PRKN: variants seen among roughly 807,000 people sequenced by gnomAD.
PRKN encodes the protein parkin RBR E3 ubiquitin protein ligase, also known as E3 ubiquitin-protein ligase parkin.
A neutral mutation model predicts 59.5 loss-of-function variants in PRKN; 56 were observed. That is an observed-to-expected ratio of 0.94 (90% CI 0.76 to 1.18). The LOEUF (loss-of-function observed/expected upper bound fraction) is 1.18, where lower values mean the gene tolerates loss of function less well. Among genes scored for constraint, PRKN ranks in the 50% most tolerant of loss-of-function variants. PRKN has a pLI of 0.00. For synonymous variants in PRKN, 250 were observed against 222.1 expected (o/e 1.13, Z -1.12); for missense variants, 657 against 596.4 (o/e 1.10, Z -1.06).
intron 7 of PRKN, among the ~76,000 whole-genome samples, chr6:161,701,776 G>A (rs1786261647): frequency 6.6e-6 from 1 of 152,098 alleles, no homozygotes. Flanking sequence ...AGTATTTCAA[G>A]AGACATTACA....
At chr6:161,720,087 T>C (rs114405566) in intron 7 of PRKN, among the ~76,000 whole-genome samples, 2,806 of 152,320 alleles carry the variant, frequency 0.018, 68 homozygotes, top group African/African-American at 0.016. Flanking sequence ...GAGAAAACCA[T>C]TGGATTCCAC....
intron 6 of PRKN, among the ~76,000 whole-genome samples, chr6:161,904,205 G>A (rs758026312): frequency 7.9e-5 from 12 of 151,928 alleles, no homozygotes; most frequent in South Asian, 6.2e-4. Context: ...CAACAGCTGG[G>A]TCCTGAGGAT....
At chr6:161,673,836 T>C (rs1422284546) in intron 7 of PRKN, among the ~76,000 whole-genome samples, 1 of 152,140 alleles carries the variant, frequency 6.6e-6, no homozygotes, top group African/African-American at 2.4e-5. Flanking sequence ...GGAGTCAAGA[T>C]AACTTGGAGA....
chr6:162,659,478 G>C (rs917963650), intron 1 of PRKN, among the ~76,000 whole-genome samples: 1 of 152,080 alleles, frequency 6.6e-6, no homozygotes, highest in Non-Finnish European at 1.5e-5. Context: ...CTTACTAAGA[G>C]ATTTATAATG....
chr6:162,549,536 C>A (rs1024002806), intron 1 of PRKN, among the ~76,000 whole-genome samples: 1 of 152,006 alleles, frequency 6.6e-6, no homozygotes, highest in Non-Finnish European at 1.5e-5. Flanking sequence ...AGTTTCTACA[C>A]ACGTTTGCAA....
chr6:162,727,314 A>ACGGTG, intron 1 of PRKN: 1 of 352,164 alleles, frequency 2.8e-6, no homozygotes. Flanking sequence ...CGGCGGGGCG[A>ACGGTG]AGGTGAGGGG....
rs890210220 is a variant in PRKN, at chr6:161,468,131, C to T, written c.1083+80723G>A. Among the ~76,000 whole-genome samples, 5 of 152,062 alleles carry T rather than the reference C, an allele frequency of 3.3e-5. No homozygotes were observed. Among genetic ancestry groups the T allele is most frequent in the Admixed American group, 3.3e-4 (5 of 15,270 alleles). On this transcript the variant is annotated intron_variant, in intron 9 of 11. Transcript: ENST00000366898. The surrounding 1 kb of genome is among the most constrained non-coding windows in gnomAD (Gnocchi z 5.9). ...GGGATTATAGGCACGCACCACCACA[C>T]CTAGCTAATTTTTGTATTTTTAGTA...
chr6:161,440,985 T>C lies in PRKN; in HGVS notation c.1084-54108A>G, dbSNP rs1789185781. ...GATTGTTCTTGCAAAATCTCATTGG[T>C]AAAGAGAGAGAGGATTTTCCTAACA... On this transcript the variant is annotated intron_variant, in intron 9 of 11. Transcript: ENST00000366898. This position sits in a 1 kb window ranked among gnomAD's most constrained non-coding sequence, Gnocchi z 4.1. Among the ~76,000 whole-genome samples, 1 of 152,096 alleles carries C rather than the reference T, an allele frequency of 6.6e-6. No homozygotes were observed. Among genetic ancestry groups the C allele is most frequent in the African/African-American group, 2.4e-5 (1 of 41,410 alleles).
chr6:162,369,069 A>G (rs1052333637), intron 2 of PRKN, among the ~76,000 whole-genome samples: 1 of 152,230 alleles, frequency 6.6e-6, no homozygotes, highest in Non-Finnish European at 1.5e-5. Flanking sequence ...AAAATGAAAT[A>G]AAGCATAAGC....
At chr6:162,156,302 T>A (rs1291771396) in intron 4 of PRKN, among the ~76,000 whole-genome samples, 1 of 152,160 alleles carries the variant, frequency 6.6e-6, no homozygotes, top group Non-Finnish European at 1.5e-5. Flanking sequence ...GATTGATGTA[T>A]ATATGAAGGG....
At chr6:161,757,578 C>G (rs1788980172) in intron 7 of PRKN, among the ~76,000 whole-genome samples, 1 of 152,022 alleles carries the variant, frequency 6.6e-6, no homozygotes, top group South Asian at 2.1e-4. Context: ...TGGCTTATGC[C>G]TGTAATCCCA....
At chr6:161,957,852 G>A (rs1040020395) in intron 6 of PRKN, among the ~76,000 whole-genome samples, 3 of 152,160 alleles carry the variant, frequency 2.0e-5, no homozygotes, top group African/African-American at 7.2e-5. Flanking sequence ...GTCCTGAGGA[G>A]TCTCCTGAAG....
intron 1 of PRKN, among the ~76,000 whole-genome samples, chr6:162,568,223 G>A (rs1278490240): frequency 6.6e-6 from 1 of 152,130 alleles, no homozygotes; most frequent in Non-Finnish European, 1.5e-5. Context: ...AATTTCTTGA[G>A]CAATACCCCA....
At chr6:162,493,786 C>A (rs1583666770) in intron 1 of PRKN, among the ~76,000 whole-genome samples, 1 of 152,152 alleles carries the variant, frequency 6.6e-6, no homozygotes, top group Non-Finnish European at 1.5e-5. Context: ...CCACTGATAA[C>A]CCCACACCAT....
intron 1 of PRKN, among the ~76,000 whole-genome samples, chr6:162,511,929 A>C (rs992923641): frequency 1.3e-5 from 2 of 152,208 alleles, no homozygotes; most frequent in Non-Finnish European, 2.9e-5. Flanking sequence ...AATGAAAATA[A>C]GCCTCAGCTA....
intron 4 of PRKN, among the ~76,000 whole-genome samples, chr6:162,082,101 A>T (rs1469699541): frequency 6.6e-6 from 1 of 151,918 alleles, no homozygotes; most frequent in Non-Finnish European, 1.5e-5. Flanking sequence ...TTGAATTGTA[A>T]CTCCTACAAT....
chr6:162,545,282 C>T (rs56192477), intron 1 of PRKN, among the ~76,000 whole-genome samples: 12,560 of 151,820 alleles, frequency 0.083, 563 homozygotes, highest in South Asian at 0.17. Flanking sequence ...AGTGAGACTC[C>T]GTCTGAGAAA....
chr6:162,687,561 G>A (rs1321984147), intron 1 of PRKN, among the ~76,000 whole-genome samples: 1 of 152,088 alleles, frequency 6.6e-6, no homozygotes, highest in Non-Finnish European at 1.5e-5. Context: ...AAATGGCCAT[G>A]CTTCTTCTTA....
At chr6:161,991,863 GCAA>G (rs1432128826) in intron 5 of PRKN, among the ~76,000 whole-genome samples, 1 of 151,422 alleles carries the variant, frequency 6.6e-6, no homozygotes, top group African/African-American at 2.4e-5. Context: ...ACAAAACAAA[GCAA>G]CAACAAAAAA....
Sources: allele counts gnomAD v4.1 joint callset (sites outside exome capture counted in the v4.1 genomes callset), GRCh38; gene constraint gnomAD v4.1.1; non-coding constraint Gnocchi (gnomAD v3.1); transcripts MANE v1.5; gene names NCBI Gene and HGNC (gene_info 2026-07-23, HGNC 2026-07-21).